Variants in TSPAN18 observed in about 807,000 individuals in gnomAD.
TSPAN18 encodes the protein tetraspanin 18.
In TSPAN18, 14 loss-of-function variants were observed where a neutral mutation model predicts 27.3. The ratio of observed to expected loss-of-function variants is 0.51; its 90% CI spans 0.34 to 0.80. TSPAN18 has a LOEUF of 0.80. Among genes scored for constraint, TSPAN18 ranks in the 30% least tolerant of loss-of-function variants. The probability of loss-of-function intolerance (pLI) is 0.01; values close to 1 mark genes in which losing one functional copy is unlikely to be tolerated. For synonymous variants in TSPAN18, 143 were observed against 136.5 expected, an observed-to-expected ratio of 1.05 and a Z score of -0.33; for missense variants, 268 against 323.9, an observed-to-expected ratio of 0.83 and a Z score of 1.32.
At chr11:44,853,069 G>A (rs971865718) in intron 2 of TSPAN18, among the ~76,000 whole-genome samples, 2 of 152,146 alleles carry the variant, frequency 1.3e-5, no homozygotes, top group Non-Finnish European at 2.9e-5. Flanking sequence ...GTCTTCCAGG[G>A]CCTAAAACAG....
At position 44,929,460 on chromosome 11, in the gene TSPAN18, A is replaced by G; in HGVS notation, c.*282A>G. 2.2e-6 allele frequency: 1 copy of G among 453,970 alleles called. No individual in the cohort carries two copies. The highest frequency in any genetic ancestry group is 3.9e-6 in the Non-Finnish European group (1 of 255,282). 28.1% of individuals were successfully genotyped at this position (453,970 alleles called of 1,614,324 possible). The stretch of plus-strand genomic sequence containing the variant: ...GGATGCAGGCTGCTCTAGAGACCAA[A>G]GGAACACCAGGCCCAGCGCCCTCTT... On this transcript the variant is annotated 3_prime_UTR_variant, in exon 10 of 10. Transcript: ENST00000520358.
chr11:44,736,996 T>A (rs901417791), intron 1 of TSPAN18, among the ~76,000 whole-genome samples: 1 of 152,242 alleles, frequency 6.6e-6, no homozygotes, highest in Non-Finnish European at 1.5e-5. Flanking sequence ...CTGTTTGGTT[T>A]TCCATGGAGC....
At chr11:44,764,625 C>T (rs1443771310) in intron 2 of TSPAN18, 113 bp downstream of exon 2, 1 of 152,314 alleles carries the variant, frequency 6.6e-6, no homozygotes, top group Non-Finnish European at 1.5e-5. Context: ...TGTGAGAGGG[C>T]TCTCAGCTCT....
chr11:44,730,389 TGA>T (rs1854622988), intron 1 of TSPAN18, among the ~76,000 whole-genome samples: 2 of 152,078 alleles, frequency 1.3e-5, no homozygotes, highest in Admixed American at 1.3e-4. Context: ...CATCAGCCAT[TGA>T]GAGGGAAAAT....
Position 44,888,706 on chromosome 11 carries a change from T to TC in TSPAN18, c.-10-17697dup, listed in dbSNP as rs879598860. On this transcript the variant is annotated intron_variant, in intron 3 of 9. Transcript: ENST00000520358. ...GCTATGAGCCTCTTGGCCAGTCCCCTCCCCTCTGGACAGTCTCCTGAGCTG... is the reference window on the plus strand; with the variant it reads ...GCTATGAGCCTCTTGGCCAGTCCCCTCCCCCTCTGGACAGTCTCCTGAGCTG... Among the ~76,000 whole-genome samples the TC allele has an allele frequency of 6.6e-5, 10 of 152,118 alleles. No homozygotes were observed. The East Asian group carries it at 7.7e-4, about 12-fold the overall frequency.
intron 2 of TSPAN18, among the ~76,000 whole-genome samples, chr11:44,776,348 C>A (rs1855808330): frequency 6.6e-6 from 1 of 152,132 alleles, no homozygotes; most frequent in Non-Finnish European, 1.5e-5. Context: ...GTGGTATTGG[C>A]CCTGATTTAA....
chr11:44,897,783 C>T lies in TSPAN18; in HGVS notation c.-10-8624C>T, dbSNP rs755443448. 2.6e-5 allele frequency: 33 copies of T among 1,289,256 alleles called. No individual in the cohort carries two copies. In the Middle Eastern group the frequency reaches 8.5e-4, roughly 33 times the overall value. 79.9% of individuals were successfully genotyped at this position (1,289,256 alleles called of 1,614,324 possible). A position where few individuals can be genotyped will look rare whatever the true frequency, so the allele number is the denominator to read the frequency against. On this transcript the variant is annotated intron_variant, in intron 3 of 9. Transcript: ENST00000520358. ...CGATAAAAGAAATATACACAAGCCT[C>T]GCTGACGGGAGAGTCTGTCCTGCTG...
At chr11:44,738,343 G>C (rs888962102) in intron 1 of TSPAN18, among the ~76,000 whole-genome samples, 3 of 152,178 alleles carry the variant, frequency 2.0e-5, no homozygotes, top group Admixed American at 6.5e-5. Flanking sequence ...CAGTGGGAAC[G>C]CTGGAGCCCA....
chr11:44,914,722 CG>C (rs1859842029), intron 5 of TSPAN18, among the ~76,000 whole-genome samples: 1 of 152,164 alleles, frequency 6.6e-6, no homozygotes, highest in African/African-American at 2.4e-5. Context: ...AGCCACAATC[CG>C]CTCTCAGTAA....
At chr11:44,885,092 A>C (rs558590260) in intron 3 of TSPAN18, among the ~76,000 whole-genome samples, 1 of 152,318 alleles carries the variant, frequency 6.6e-6, no homozygotes, top group East Asian at 1.9e-4. Context: ...TGATGGATAC[A>C]ATATGGCGCC....
At chr11:44,891,295 G>T (rs1858842896) in intron 3 of TSPAN18, among the ~76,000 whole-genome samples, 1 of 152,232 alleles carries the variant, frequency 6.6e-6, no homozygotes, top group Non-Finnish European at 1.5e-5. Context: ...GGATGGGAGA[G>T]ATCCTTGCTA....
intron 1 of TSPAN18, among the ~76,000 whole-genome samples, chr11:44,749,929 C>T (rs1855172988): frequency 6.6e-6 from 1 of 152,212 alleles, no homozygotes; most frequent in Non-Finnish European, 1.5e-5. Flanking sequence ...AGCCACTGCA[C>T]CCGGCTCCAT....
chr11:44,824,900 C>T (rs752599037), intron 2 of TSPAN18, among the ~76,000 whole-genome samples: 10 of 152,230 alleles, frequency 6.6e-5, no homozygotes, highest in Non-Finnish European at 1.3e-4. Context: ...CCAAAGGCTT[C>T]GCTTGGGGCT....
At chr11:44,831,628 T>C (rs1857156860) in intron 2 of TSPAN18, among the ~76,000 whole-genome samples, 1 of 152,216 alleles carries the variant, frequency 6.6e-6, no homozygotes, top group African/African-American at 2.4e-5. Context: ...ACTCGCTCAC[T>C]CACTCATTCA....
At chr11:44,776,542 G>GAA (rs2134934450) in intron 2 of TSPAN18, among the ~76,000 whole-genome samples, 1 of 152,326 alleles carries the variant, frequency 6.6e-6, no homozygotes, top group East Asian at 1.9e-4. Context: ...CTCTCCTGAA[G>GAA]AAGAAATCAA....
intron 5 of TSPAN18, among the ~76,000 whole-genome samples, chr11:44,917,031 G>C (rs915590794): frequency 2.6e-5 from 4 of 152,216 alleles, no homozygotes; most frequent in African/African-American, 9.6e-5. Context: ...CTCCACCCCG[G>C]CTCATTCATC....
intron 3 of TSPAN18, among the ~76,000 whole-genome samples, chr11:44,899,641 T>G (rs1222548770): frequency 6.6e-6 from 1 of 152,220 alleles, no homozygotes; most frequent in African/African-American, 2.4e-5. Flanking sequence ...AAGTGCTGTA[T>G]GAGGGACTGT....
chr11:44,738,909 T>C (rs1407740481), intron 1 of TSPAN18, among the ~76,000 whole-genome samples: 1 of 152,208 alleles, frequency 6.6e-6, no homozygotes, highest in Non-Finnish European at 1.5e-5. Flanking sequence ...ACATAGCTGC[T>C]GAACAAGTAT....
intron 3 of TSPAN18, among the ~76,000 whole-genome samples, chr11:44,879,065 C>G (rs1192201173): frequency 6.6e-6 from 1 of 152,194 alleles, no homozygotes; most frequent in Non-Finnish European, 1.5e-5. Context: ...GATGCTCTGC[C>G]CTTGCCATCT....
Sources: allele counts gnomAD v4.1 joint callset (sites outside exome capture counted in the v4.1 genomes callset), GRCh38; gene constraint gnomAD v4.1.1; transcripts MANE v1.5; gene names NCBI Gene and HGNC (gene_info 2026-07-23, HGNC 2026-07-21).